The following MAML3 variants were observed in gnomAD, a reference collection of about 807,000 sequenced individuals.
MAML3 encodes the protein mastermind like transcriptional coactivator 3.
MAML3 carries 27 observed loss-of-function variants against 101.9 expected under a neutral mutation model. That is an observed-to-expected ratio of 0.27 (90% CI 0.20 to 0.37). The LOEUF (loss-of-function observed/expected upper bound fraction) is 0.37, where lower values mean the gene tolerates loss of function less well. MAML3 is among the 10% of genes least tolerant of loss of function. MAML3 has a pLI of 1.00. For missense variants in MAML3, 1,316 were observed against 1,444.9 expected (o/e 0.91, Z 1.45); for synonymous variants, 501 against 555.9 (o/e 0.90, Z 1.39).
intron 1 of MAML3, among the ~76,000 whole-genome samples, chr4:140,127,447 C>T (rs1307533413): frequency 6.6e-6 from 1 of 152,170 alleles, no homozygotes; most frequent in Non-Finnish European, 1.5e-5. Context: ...GGAATTTGGA[C>T]TCACATTGAT....
At chr4:140,060,249 C>T (rs1360620055) in intron 1 of MAML3, among the ~76,000 whole-genome samples, 4 of 150,982 alleles carry the variant, frequency 2.6e-5, no homozygotes, top group Admixed American at 2.0e-4. Context: ...GCCTGTAATC[C>T]CAGCTACTCA....
intron 1 of MAML3, among the ~76,000 whole-genome samples, chr4:140,110,976 A>C (rs530052199): frequency 2.6e-5 from 4 of 152,340 alleles, no homozygotes; most frequent in Non-Finnish European, 4.4e-5. Context: ...ATAAATAATG[A>C]ATTCTTAGAT....
chr4:139,846,864 G>A (rs900450546), intron 2 of MAML3, among the ~76,000 whole-genome samples: 9 of 152,172 alleles, frequency 5.9e-5, no homozygotes, highest in Non-Finnish European at 1.3e-4. Flanking sequence ...GAGGAAAATT[G>A]TGTGTTTTCC....
At chr4:139,911,487 G>C (rs1445397593) in intron 1 of MAML3, among the ~76,000 whole-genome samples, 2 of 152,206 alleles carry the variant, frequency 1.3e-5, no homozygotes, top group Non-Finnish European at 2.9e-5. Context: ...CAAAGTGCTG[G>C]AATTACAGGC....
At chr4:139,921,835 T>C (rs1321167890) in intron 1 of MAML3, among the ~76,000 whole-genome samples, 1 of 152,232 alleles carries the variant, frequency 6.6e-6, no homozygotes, top group Non-Finnish European at 1.5e-5. Flanking sequence ...GTTTAAACAC[T>C]GGAGCTGTTT....
intron 1 of MAML3, among the ~76,000 whole-genome samples, chr4:140,067,207 G>C (rs2110946717): frequency 6.6e-6 from 1 of 151,446 alleles, no homozygotes; most frequent in Non-Finnish European, 1.5e-5. Flanking sequence ...AGGGGTGTGT[G>C]TGTGTGTGTG....
Position 139,890,533 on chromosome 4 carries a change from G to T in MAML3, c.903C>A (p.Asp301Glu). Residue 301 changes from aspartate (D) to glutamate (E), a missense_variant, in exon 2 of 5, where the codon GAC (aspartate) becomes GAA (glutamate). By Grantham distance (45) the Asp-to-Glu change is conservative. Coordinates refer to ENST00000509479, the MANE Select transcript of MAML3 (RefSeq NM_018717.5). This position sits in a 1 kb window ranked among gnomAD's most constrained non-coding sequence, Gnocchi z 4.1. ...SLSNQNKLFS[D>E]INLNDQEWQE... is the part of the protein sequence containing the mutation. Reference sequence around the variant, plus strand: ...GCCACTCCTGATCATTCAGATTAATGTCTGAGAACAGCTTGTTCTGATTTG... The same window carrying T: ...GCCACTCCTGATCATTCAGATTAATTTCTGAGAACAGCTTGTTCTGATTTG... 6.2e-7 allele frequency: 1 copy of T among 1,613,992 alleles called. No individual in the cohort carries two copies. Among genetic ancestry groups the T allele is most frequent in the Non-Finnish European group, 8.5e-7 (1 of 1,179,890 alleles).
At chr4:140,087,524 GA>G (rs1183157499) in intron 1 of MAML3, among the ~76,000 whole-genome samples, 1 of 152,172 alleles carries the variant, frequency 6.6e-6, no homozygotes, top group African/African-American at 2.4e-5. Context: ...TAATTATTGT[GA>G]AATTCTTTCC....
chr4:139,809,435 GCAC>G (rs1212814123), intron 2 of MAML3, among the ~76,000 whole-genome samples: 1 of 152,174 alleles, frequency 6.6e-6, no homozygotes, highest in Non-Finnish European at 1.5e-5. Context: ...AGCAGCCACA[GCAC>G]CACACCTCTA....
At chr4:139,816,681 T>C (rs1018294330) in intron 2 of MAML3, among the ~76,000 whole-genome samples, 4 of 152,138 alleles carry the variant, frequency 2.6e-5, no homozygotes, top group Non-Finnish European at 4.4e-5. Flanking sequence ...TCCAGTTCAA[T>C]TTAATAGATC....
At chr4:140,148,639 C>T (rs1040563826) in intron 1 of MAML3, among the ~76,000 whole-genome samples, 23 of 152,090 alleles carry the variant, frequency 1.5e-4, no homozygotes, top group African/African-American at 5.3e-4. Flanking sequence ...AAAATTGATA[C>T]AGAGCCAGTA....
Position 140,097,023 on chromosome 4 carries a change from C to T in MAML3, c.468+55837G>A, listed in dbSNP as rs185654898. ...CCAGCATGGAACTATTAAGTAGCCA[C>T]GGCACAGGCCTTGCCCACCAAGAGT... On this transcript the variant is annotated intron_variant, in intron 1 of 4. Coordinates refer to ENST00000509479, the MANE Select transcript of MAML3 (RefSeq NM_018717.5). Among the ~76,000 whole-genome samples, 69 of 152,272 alleles carry T rather than the reference C, an allele frequency of 4.5e-4. 3 individuals carry two copies. Among genetic ancestry groups the T allele is most frequent in the Admixed American group, 3.9e-4 (6 of 15,300 alleles).
chr4:139,718,498 G>A lies in MAML3; in HGVS notation c.*825C>T, dbSNP rs1293466926. 6.6e-6 allele frequency: 1 copy of A among 152,106 alleles called. No homozygotes were observed. Among genetic ancestry groups the A allele is most frequent in the Non-Finnish European group, 1.5e-5 (1 of 68,146 alleles). 9.4% of individuals were successfully genotyped at this position (152,106 alleles called of 1,614,324 possible). The stretch of plus-strand genomic sequence containing the variant: ...GGGTTTCCCTGCCCTGCGGCCGCCA[G>A]AAGTAGATGTGACCCACCTGGATGT... On this transcript the variant is annotated 3_prime_UTR_variant, in exon 5 of 5. Transcript: ENST00000509479.
chr4:139,889,484 G>GGCTGCTGCT lies in MAML3; in HGVS notation c.1943_1951dup (p.Gln648_Gln650dup), dbSNP rs533638458. On this transcript the variant is annotated inframe_insertion, in exon 2 of 5. Transcript: ENST00000509479. ...GGGGGCCTGGAGCTGTGGAGGTGGCGGCTGCTGCTGCTGCTGCTGCTGCTG... is the reference window on the plus strand; with the variant it reads ...GGGGGCCTGGAGCTGTGGAGGTGGCGGCTGCTGCTGCTGCTGCTGCTGCTGCTGCTGCTG... The GGCTGCTGCT allele has an allele frequency of 2.1e-6, 3 of 1,457,868 alleles. No individual in the cohort carries two copies. The highest frequency in any genetic ancestry group is 1.8e-5 in the Admixed American group (1 of 56,330). 90.3% of individuals were successfully genotyped at this position (1,457,868 alleles called of 1,614,324 possible).
At chr4:139,814,666 C>G (rs1238647931) in intron 2 of MAML3, among the ~76,000 whole-genome samples, 1 of 152,090 alleles carries the variant, frequency 6.6e-6, no homozygotes, top group Admixed American at 6.6e-5. Context: ...GTGGGTAACA[C>G]CCTCCCCCCA....
intron 1 of MAML3, among the ~76,000 whole-genome samples, chr4:139,906,823 C>T (rs1475665616): frequency 6.6e-6 from 1 of 152,156 alleles, no homozygotes; most frequent in Non-Finnish European, 1.5e-5. Context: ...TTATAGCTCT[C>T]TAAAACTCCC....
intron 1 of MAML3, among the ~76,000 whole-genome samples, chr4:139,921,180 T>G (rs1032111108): frequency 6.6e-6 from 1 of 152,176 alleles, no homozygotes; most frequent in Non-Finnish European, 1.5e-5. Context: ...GGTCTGAATC[T>G]GGAGCTAGCC....
chr4:139,747,432 G>A (rs916151692), intron 2 of MAML3, among the ~76,000 whole-genome samples: 10 of 152,196 alleles, frequency 6.6e-5, no homozygotes, highest in Admixed American at 5.9e-4. Context: ...AGTGGCTCAC[G>A]CCTGTAATCC....
chr4:139,965,381 T>C (rs1356138981), intron 1 of MAML3, among the ~76,000 whole-genome samples: 1 of 152,160 alleles, frequency 6.6e-6, no homozygotes, highest in Non-Finnish European at 1.5e-5. Context: ...TCCGTAAGTA[T>C]TAGGCATGGC....
Sources: gnomAD v4.1 joint callset for allele counts (sites outside exome capture counted in the v4.1 genomes callset) on GRCh38, gnomAD v4.1.1 for gene constraint, Gnocchi (gnomAD v3.1) non-coding constraint, MANE v1.5 for transcripts, NCBI Gene and HGNC (gene_info 2026-07-23, HGNC 2026-07-21) for gene names.